Variants in TNRC6A observed in about 807,000 individuals in gnomAD.
TNRC6A encodes the protein trinucleotide repeat-containing gene 6A protein.
In TNRC6A, 44 loss-of-function variants were observed where a neutral mutation model predicts 221.2. That is an observed-to-expected ratio of 0.20 (90% CI 0.16 to 0.26). TNRC6A has a LOEUF of 0.26. TNRC6A is among the 10% of genes least tolerant of loss of function. The pLI, the probability that TNRC6A is intolerant of heterozygous loss-of-function variation, is 1.00. For synonymous variants in TNRC6A, 847 were observed against 838.5 expected, an observed-to-expected ratio of 1.01 and a Z score of -0.18; for missense variants, 2,199 against 2,404.4, an observed-to-expected ratio of 0.91 and a Z score of 1.79.
intron 2 of TNRC6A, among the ~76,000 whole-genome samples, chr16:24,687,665 A>T (rs1043369200): frequency 2.6e-5 from 4 of 151,942 alleles, no homozygotes; most frequent in African/African-American, 9.7e-5. Context: ...GGGTGAGGTG[A>T]TGTGCACCTG....
chr16:24,646,402 C>T (rs1465736179), intron 2 of TNRC6A, among the ~76,000 whole-genome samples: 1 of 152,170 alleles, frequency 6.6e-6, no homozygotes, highest in African/African-American at 2.4e-5. Context: ...AAATCCCATG[C>T]ACTGGTGGTG....
At chr16:24,738,725 T>C (rs1220659328) in intron 2 of TNRC6A, among the ~76,000 whole-genome samples, 2 of 152,258 alleles carry the variant, frequency 1.3e-5, no homozygotes, top group Admixed American at 6.5e-5. Flanking sequence ...TTTGGGGCTA[T>C]TATGAATAAT....
rs536950865 is a variant in TNRC6A at position 24,809,975 on chromosome 16, G to A, written c.4672+494G>A. On this transcript the variant is annotated intron_variant, in intron 18 of 24. Coordinates refer to ENST00000395799, the MANE Select transcript of TNRC6A (RefSeq NM_014494.4). ...TTACAGGCCTGAGCCACCATGCCCG[G>A]CTAATTTTTGTATTTTTAGTAGAGA... 1.2e-4 allele frequency among the ~76,000 whole-genome samples: 18 copies of A among 152,218 alleles called. No homozygotes were observed. In the South Asian group the frequency reaches 1.7e-3, roughly 14 times the overall value.
intron 1 of TNRC6A, among the ~76,000 whole-genome samples, chr16:24,626,962 T>G (rs1218330637): frequency 2.6e-5 from 4 of 151,952 alleles, no homozygotes; most frequent in Middle Eastern, 6.8e-3. Context: ...TGTTTTTTTT[T>G]TTTTTTTTTA....
intron 2 of TNRC6A, among the ~76,000 whole-genome samples, chr16:24,688,648 C>T (rs1471936289): frequency 2.0e-5 from 3 of 150,964 alleles, no homozygotes; most frequent in Non-Finnish European, 4.4e-5. Flanking sequence ...AGACAAGGGG[C>T]TCATGATCCT....
At chr16:24,711,515 A>G (rs1337771789) in intron 2 of TNRC6A, among the ~76,000 whole-genome samples, 1 of 152,128 alleles carries the variant, frequency 6.6e-6, no homozygotes, top group East Asian at 1.9e-4. Context: ...CCCAGGCACC[A>G]CTGACATTCT....
At chr16:24,642,367 C>A (rs577441388) in intron 2 of TNRC6A, among the ~76,000 whole-genome samples, 2 of 152,038 alleles carry the variant, frequency 1.3e-5, no homozygotes, top group Admixed American at 1.3e-4. Context: ...GGTCAGTGGG[C>A]GGAAAGCAGG....
chr16:24,760,300 T>C (rs181167227), intron 4 of TNRC6A, among the ~76,000 whole-genome samples: 5 of 152,342 alleles, frequency 3.3e-5, no homozygotes, highest in Admixed American at 3.3e-4. Flanking sequence ...GGCACTTGGT[T>C]ATATTCTTAC....
chr16:24,657,418 T>C (rs1015198431), intron 2 of TNRC6A, among the ~76,000 whole-genome samples: 2 of 151,194 alleles, frequency 1.3e-5, no homozygotes, highest in Non-Finnish European at 2.9e-5. Context: ...ATTTCAAAGT[T>C]TGGAAATAAA....
chr16:24,730,424 C>T (rs1028770584), intron 2 of TNRC6A, 124 bp downstream of exon 2: 12 of 1,100,260 alleles, frequency 1.1e-5, no homozygotes, highest in African/African-American at 1.7e-5. Context: ...AGCAGACATT[C>T]GGGAGAAGCG....
chr16:24,750,916 G>A, intron 3 of TNRC6A, 103 bp downstream of exon 3: 2 of 1,091,690 alleles, frequency 1.8e-6, no homozygotes, highest in South Asian at 6.7e-5. Flanking sequence ...TAATGTTTTA[G>A]CTTTAATGGA....
At chr16:24,781,019 A>G (rs1233219705) in intron 5 of TNRC6A, among the ~76,000 whole-genome samples, 1 of 148,638 alleles carries the variant, frequency 6.7e-6, no homozygotes, top group Non-Finnish European at 1.5e-5. Flanking sequence ...TATCCTTAAA[A>G]AAATTTTCTT....
chr16:24,712,137 T>C (rs1361625642), intron 2 of TNRC6A, among the ~76,000 whole-genome samples: 1 of 152,190 alleles, frequency 6.6e-6, no homozygotes, highest in African/African-American at 2.4e-5. Flanking sequence ...ATTCCTTTGT[T>C]AGTTTATGAA....
intron 3 of TNRC6A, among the ~76,000 whole-genome samples, chr16:24,752,347 A>C (rs746435861): frequency 1.3e-5 from 2 of 152,198 alleles, no homozygotes; most frequent in Non-Finnish European, 2.9e-5. Context: ...TAAATAATTC[A>C]GTTCTGCATG....
At chr16:24,758,397 A>G (rs774043782) in intron 4 of TNRC6A, 37 bp downstream of exon 4, 3 of 1,603,348 alleles carry the variant, frequency 1.9e-6, no homozygotes, top group Non-Finnish European at 1.7e-6. Flanking sequence ...CCCTTTTTTC[A>G]TTAAAGCAAG....
intron 2 of TNRC6A, among the ~76,000 whole-genome samples, chr16:24,651,302 G>C (rs1902633636): frequency 6.6e-6 from 1 of 151,930 alleles, no homozygotes; most frequent in African/African-American, 2.4e-5. Context: ...ACTTTGGGAG[G>C]CTGAGTCAGG....
intron 2 of TNRC6A, chr16:24,663,872 C>T: frequency 2.2e-6 from 1 of 455,544 alleles, no homozygotes; most frequent in South Asian, 1.6e-5. Context: ...CCCAAGGCCC[C>T]AGATATACAG....
chr16:24,703,892 T>C (rs1229215513), intron 2 of TNRC6A, among the ~76,000 whole-genome samples: 1 of 151,772 alleles, frequency 6.6e-6, no homozygotes, highest in Non-Finnish European at 1.5e-5. Context: ...AAGACCAGCC[T>C]GGGCAACATG....
chr16:24,710,593 A>G (rs2056186286), intron 2 of TNRC6A, among the ~76,000 whole-genome samples: 1 of 152,128 alleles, frequency 6.6e-6, no homozygotes, highest in African/African-American at 2.4e-5. Flanking sequence ...GCTAGATTTC[A>G]TTTGTTCCAA....
Sources: allele counts gnomAD v4.1 joint callset (sites outside exome capture counted in the v4.1 genomes callset), GRCh38; gene constraint gnomAD v4.1.1; transcripts MANE v1.5; gene names NCBI Gene and HGNC (gene_info 2026-07-23, HGNC 2026-07-21).